COL17A1: variants seen among roughly 807,000 people sequenced by gnomAD.
COL17A1 encodes collagen type XVII alpha 1 chain.
Under a neutral mutation model 218.4 loss-of-function variants are expected in COL17A1, and 181 were observed. That is an observed-to-expected ratio of 0.83 (90% CI 0.73 to 0.94). The LOEUF (loss-of-function observed/expected upper bound fraction) is 0.94. Ranked by LOEUF, COL17A1 falls within the 40% of genes least tolerant of loss-of-function variation. COL17A1 has a pLI of 0.00. For missense variants in COL17A1, 1,924 were observed against 1,945.9 expected (o/e 0.99, Z 0.21); for synonymous variants, 721 against 731.0 (o/e 0.99, Z 0.22).
intron 13 of COL17A1, among the ~76,000 whole-genome samples, 163 bp downstream of exon 13, chr10:104,061,242 A>G (rs1474613409): frequency 1.3e-5 from 2 of 152,196 alleles, no homozygotes; most frequent in African/African-American, 4.8e-5. Flanking sequence ...AACATCCAAG[A>G]GGCCTTTGGG....
At chr10:104,065,250 T>G (rs1190051121) in intron 9 of COL17A1, among the ~76,000 whole-genome samples, 2 of 152,230 alleles carry the variant, frequency 1.3e-5, no homozygotes, top group East Asian at 3.8e-4. Context: ...AGTGCCCTGA[T>G]GTTTTGGTTT....
intron 3 of COL17A1, among the ~76,000 whole-genome samples, chr10:104,077,773 TA>T (rs1422686235): frequency 2.0e-5 from 3 of 152,204 alleles, no homozygotes; most frequent in Non-Finnish European, 4.4e-5. Context: ...CCACCTGATT[TA>T]AAAGAAAAGT....
Position 104,039,068 on chromosome 10 carries a change from TACCTTCAGAAGG to T in COL17A1, c.2938_2947+2del. 6.2e-7 allele frequency: 1 copy of T among 1,614,054 alleles called. No homozygotes were observed. The highest frequency in any genetic ancestry group is 8.5e-7 in the Non-Finnish European group (1 of 1,179,920). ...AGGAACTTTGGTCACTTTCAGTTCT[TACCTTCAGAAGG>T]ACCACTAGGAATGCCAAGAGCCCCT... On this transcript the variant is annotated splice_donor_variant and coding_sequence_variant, in exon 44 of 56. Coordinates refer to ENST00000648076, the MANE Select transcript of COL17A1 (RefSeq NM_000494.4). LOFTEE classifies it high-confidence loss of function.
intron 8 of COL17A1, among the ~76,000 whole-genome samples, chr10:104,071,288 G>A (rs2086667534): frequency 6.6e-6 from 1 of 152,072 alleles, no homozygotes; most frequent in African/African-American, 2.4e-5. Flanking sequence ...CCTAAGCCTG[G>A]AAGGACTCAG....
At chr10:104,041,667 C>T in intron 36 of COL17A1, 129 bp from the exon 37 acceptor site, 1 of 767,366 alleles carries the variant, frequency 1.3e-6, no homozygotes. Context: ...ACACCAGGCC[C>T]TGTGTCATGG....
At chr10:104,053,464 C>G (rs1456481615) in intron 22 of COL17A1, among the ~76,000 whole-genome samples, 2 of 152,180 alleles carry the variant, frequency 1.3e-5, no homozygotes, top group Admixed American at 1.3e-4. Context: ...GCTCAGAGGT[C>G]TTCCCCTTCC....
In COL17A1 at chr10:104,039,140, A is replaced by C. The variant is rs374650932; in HGVS notation, c.2897-19T>G. ...GGATCACCTGGAATCCAAAATGAGA[A>C]GTTTGCCTCACCTCCTCCAGGAAGC... On this transcript the variant is annotated intron_variant, in intron 43 of 55. Transcript: ENST00000648076. The C allele has an allele frequency of 1.4e-5, 23 of 1,613,806 alleles. No individual in the cohort carries two copies. Among genetic ancestry groups the C allele is most frequent in the Non-Finnish European group, 1.8e-5 (21 of 1,179,804 alleles).
chr10:104,058,933 CAA>C (rs11351494), intron 15 of COL17A1, among the ~76,000 whole-genome samples: 44 of 134,206 alleles, frequency 3.3e-4, no homozygotes, highest in Admixed American at 3.7e-4. Flanking sequence ...GACTCCGTCT[CAA>C]AAAAAAAAAA....
chr10:104,043,498 G>T lies in COL17A1; in HGVS notation c.2515+3C>A. ...TTGGGGCAAAGCAAGAAAATAGACT[G>T]ACCTGGGGCACCTGGAGGTCCTGGG... On this transcript the variant is annotated splice_donor_region_variant and intron_variant, in intron 35 of 55. Transcript: ENST00000648076. The T allele has an allele frequency of 6.2e-7, 1 of 1,613,462 alleles. No individual in the cohort carries two copies. The highest frequency in any genetic ancestry group is 8.5e-7 in the Non-Finnish European group (1 of 1,179,808).
intron 50 of COL17A1, 77 bp from the exon 51 acceptor site, chr10:104,034,844 C>A: frequency 6.4e-7 from 1 of 1,563,878 alleles, no homozygotes. Flanking sequence ...GCTCGGGGCG[C>A]TGTGGGCCCC....
At chr10:104,059,899 C>T (rs1029113228) in intron 14 of COL17A1, among the ~76,000 whole-genome samples, 181 bp from the exon 15 acceptor site, 5 of 152,140 alleles carry the variant, frequency 3.3e-5, no homozygotes, top group Admixed American at 6.5e-5. Flanking sequence ...GACTTGCTGT[C>T]GCCCAAATGC....
In COL17A1 at chr10:104,064,571, G is replaced by A. The variant is rs1589572599; in HGVS notation, c.633C>T (p.Ile211=). The change falls in exon 10 of 56, where the codon ATC becomes ATT. Residue 211 remains isoleucine, a synonymous_variant. Transcript: ENST00000648076. ...CATGGGAGGGAAGGTTGGCATCCAG[G>A]ATCGTTGCATCGTAGGTGCCTGACA... ...QSVSGTYDAT[I]LDANLPSHVW... 1.9e-6 allele frequency: 3 copies of A among 1,613,782 alleles called. No homozygotes were observed. In the East Asian group the frequency reaches 6.7e-5, roughly 36 times the overall value.
At chr10:104,055,060 A>G (rs1217765076) in intron 19 of COL17A1, 53 bp from the exon 20 acceptor site, 11 of 1,612,646 alleles carry the variant, frequency 6.8e-6, no homozygotes, top group South Asian at 1.1e-5. Flanking sequence ...CCCAAAGGCC[A>G]TACTCTGCCT....
At chr10:104,061,911 G>A (rs2086586190) in intron 12 of COL17A1, among the ~76,000 whole-genome samples, 2 of 152,306 alleles carry the variant, frequency 1.3e-5, no homozygotes, top group South Asian at 4.1e-4. Context: ...GCAACCTGTA[G>A]GGGGTGCACC....
At chr10:104,076,607 G>A (rs2086713005) in intron 4 of COL17A1, among the ~76,000 whole-genome samples, 178 bp from the exon 5 acceptor site, 1 of 152,188 alleles carries the variant, frequency 6.6e-6, no homozygotes, top group Admixed American at 6.5e-5. Flanking sequence ...TGGAATTATT[G>A]CCTGGGAACG....
intron 50 of COL17A1, 33 bp from the exon 51 acceptor site, chr10:104,034,800 T>C (rs2086259372): frequency 6.2e-7 from 1 of 1,602,446 alleles, no homozygotes. Context: ...AAGGTCGGGG[T>C]AGTGCTGCGG....
intron 2 of COL17A1, 128 bp downstream of exon 2, chr10:104,080,494 A>G (rs879164785): frequency 4.5e-6 from 5 of 1,103,322 alleles, no homozygotes; most frequent in Non-Finnish European, 6.6e-6. Context: ...ATTAAAGTCC[A>G]TTTAGGAACA....
In COL17A1 at chr10:104,035,283, T is replaced by C; in HGVS notation, c.3599A>G (p.Asp1200Gly). The C allele has an allele frequency of 6.2e-7, 1 of 1,613,844 alleles. No homozygotes were observed. The highest frequency in any genetic ancestry group is 1.1e-5 in the South Asian group (1 of 91,032). The change falls in exon 50 of 56, where the codon GAC (aspartate) becomes GGC (glycine). Residue 1200 changes from aspartate (D) to glycine (G), a missense_variant. Transcript: ENST00000648076. ...GNVWSSISVE[D>G]LSSYLHTAGL... ...CCTACTATGTAAGTAAGACGAGAGG[T>C]CCTCCACGCTGATGCTGGACCACAC...
chr10:104,050,606 C>A lies in COL17A1; in HGVS notation c.2128+15G>T. The A allele has an allele frequency of 6.2e-7, 1 of 1,612,944 alleles. No individual in the cohort carries two copies. The stretch of plus-strand genomic sequence containing the variant: ...GCAGGCCCTGGTAATGACAGAGCAG[C>A]AGTGAGTGGCATACCTTTGGGTCCT... On this transcript the variant is annotated intron_variant, in intron 27 of 55. Transcript: ENST00000648076.
Sources: allele counts gnomAD v4.1 joint callset (sites outside exome capture counted in the v4.1 genomes callset), GRCh38; gene constraint gnomAD v4.1.1; transcripts MANE v1.5; gene names NCBI Gene and HGNC (gene_info 2026-07-23, HGNC 2026-07-21).